Variants in RAD52 observed in about 807,000 individuals in gnomAD.
RAD52 encodes RAD52 DNA repair protein, also known as DNA repair protein RAD52 homolog.
RAD52 carries 47 observed loss-of-function variants against 55.5 expected under a neutral mutation model. The observed-to-expected ratio is 0.85, with a 90% confidence interval of 0.67 to 1.08. The LOEUF (loss-of-function observed/expected upper bound fraction) is 1.08. Among genes scored for constraint, RAD52 ranks in the 50% least tolerant of loss-of-function variants. The probability of loss-of-function intolerance (pLI) is 0.00; values close to 1 mark genes in which losing one functional copy is unlikely to be tolerated. For missense variants in RAD52, 468 were observed against 522.8 expected (o/e 0.90, Z 1.02); for synonymous variants, 184 against 198.9 (o/e 0.92, Z 0.63).
chr12:927,325 T>C, intron 5 of RAD52, 62 bp from the exon 6 acceptor site: 1 of 1,221,478 alleles, frequency 8.2e-7, no homozygotes, highest in Admixed American at 1.7e-5. Flanking sequence ...ACAACTCCCC[T>C]GTTCCTCAAG....
chr12:957,055 A>C (rs957684121), intron 1 of RAD52, among the ~76,000 whole-genome samples: 6 of 152,228 alleles, frequency 3.9e-5, no homozygotes, highest in African/African-American at 1.4e-4. Flanking sequence ...AGAAGCATAA[A>C]AATTCCATGC....
intron 1 of RAD52, among the ~76,000 whole-genome samples, chr12:965,947 G>A (rs1958759555): frequency 6.6e-6 from 1 of 151,998 alleles, no homozygotes; most frequent in Non-Finnish European, 1.5e-5. Context: ...GCCTCCCAAA[G>A]TGCTGGGATT....
chr12:965,844 A>ATG (rs1958755697), intron 1 of RAD52, among the ~76,000 whole-genome samples: 1 of 151,346 alleles, frequency 6.6e-6, no homozygotes, highest in Non-Finnish European at 1.5e-5. Flanking sequence ...GCACCACCAC[A>ATG]CCTGGCTAAT....
chr12:927,200 A>C lies in RAD52; in HGVS notation c.412T>G (p.Ser138Ala), dbSNP rs755555147. 4 of 1,614,142 alleles carry C rather than the reference A, an allele frequency of 2.5e-6. No homozygotes were observed. In the South Asian group the frequency reaches 4.4e-5, roughly 18 times the overall value. ...GCCTCCTTCCTTGCCTTCTCCAAAG[A>C]TAAAGCCTTGGACTTGAGGCCCTCA... ...VSEGLKSKAL[S>A]LEKARKEAVT... The change falls in exon 6 of 12, where the codon TCT becomes GCT. Residue 138 changes from serine (S) to alanine (A), a missense_variant. Ser to Ala is a moderately conservative substitution (Grantham distance 99). Coordinates refer to ENST00000358495, the MANE Select transcript of RAD52 (RefSeq NM_134424.4).
intron 1 of RAD52, among the ~76,000 whole-genome samples, chr12:970,348 A>C (rs868279687): frequency 6.7e-6 from 1 of 149,208 alleles, no homozygotes; most frequent in Non-Finnish European, 1.5e-5. Context: ...AAAAGTCATA[A>C]TTTAGTCCTA....
chr12:969,282 A>G (rs1958809362), intron 1 of RAD52, among the ~76,000 whole-genome samples: 1 of 152,036 alleles, frequency 6.6e-6, no homozygotes, highest in Non-Finnish European at 1.5e-5. Flanking sequence ...GCATCCCAGG[A>G]ACACCAGTCA....
chr12:967,983 T>C (rs1249815204), intron 1 of RAD52, among the ~76,000 whole-genome samples: 2 of 152,082 alleles, frequency 1.3e-5, no homozygotes, highest in Non-Finnish European at 2.9e-5. Context: ...GTGTCTGGCC[T>C]ATTTTTGAGC....
At chr12:953,905 G>A (rs1221928622), upstream of RAD52, among the ~76,000 whole-genome samples, 1 of 152,110 alleles carries the variant, frequency 6.6e-6, no homozygotes, top group African/African-American at 2.4e-5. Context: ...CAGTGGAACC[G>A]TTGGGTGACA....
chr12:967,092 A>T (rs1958780638), intron 1 of RAD52, among the ~76,000 whole-genome samples: 1 of 152,054 alleles, frequency 6.6e-6, no homozygotes, highest in Admixed American at 6.6e-5. Flanking sequence ...ACATAAAGAA[A>T]TGTGGTCTGG....
At chr12:916,176 A>G in intron 9 of RAD52, 168 bp downstream of exon 9, 1 of 1,382,484 alleles carries the variant, frequency 7.2e-7, no homozygotes, top group Non-Finnish European at 9.4e-7. Context: ...CAGCAGATTT[A>G]AATATCTGAA....
chr12:914,829 G>A (rs1285413131), intron 9 of RAD52, among the ~76,000 whole-genome samples: 1 of 3,092 alleles, frequency 3.2e-4, no homozygotes, highest in Non-Finnish European at 9.6e-3. Context: ...TGGCTCGCTT[G>A]TTAACAGCCA....
chr12:924,448 C>T (rs1169462330), intron 7 of RAD52, among the ~76,000 whole-genome samples: 1 of 152,138 alleles, frequency 6.6e-6, no homozygotes, highest in Non-Finnish European at 1.5e-5. Context: ...AAACTGAATC[C>T]AATAATGTTT....
chr12:927,058 A>C, intron 6 of RAD52, 87 bp downstream of exon 6: 1 of 1,516,106 alleles, frequency 6.6e-7, no homozygotes, highest in Admixed American at 1.7e-5. Context: ...AACCATGTGG[A>C]TGTGTTACCT....
At chr12:955,104 T>G (rs1213709136) in intron 1 of RAD52, among the ~76,000 whole-genome samples, 20 of 152,232 alleles carry the variant, frequency 1.3e-4, no homozygotes, top group Admixed American at 1.3e-3. Context: ...AGGTAAGTAT[T>G]CTTAAGGATT....
chr12:932,221 G>A (rs1023050536), intron 2 of RAD52, among the ~76,000 whole-genome samples: 4 of 152,164 alleles, frequency 2.6e-5, no homozygotes, highest in South Asian at 2.1e-4. Flanking sequence ...AAGCCCGGGC[G>A]TGGTGGCTCA....
intron 1 of RAD52, among the ~76,000 whole-genome samples, chr12:947,482 T>C (rs1958300819): frequency 6.8e-6 from 1 of 148,070 alleles, no homozygotes; most frequent in African/African-American, 2.5e-5. Flanking sequence ...ACCCTGTCTC[T>C]ACTAAAAATA....
chr12:940,627 A>G (rs936777585), intron 1 of RAD52, among the ~76,000 whole-genome samples: 1 of 152,060 alleles, frequency 6.6e-6, no homozygotes, highest in Non-Finnish European at 1.5e-5. Flanking sequence ...AAACAAAACA[A>G]AACAAAACCA....
At position 916,441 on chromosome 12, in the gene RAD52, C is replaced by T. The variant is rs773901683; in HGVS notation, c.768G>A (p.Gln256=). The change falls in exon 9 of 12, where the codon CAG becomes CAA. Residue 256 remains glutamine (Q), a synonymous_variant. Transcript: ENST00000358495. ...GCAGCTGCTTCTGCCGGAGCTTCCGCTGGTGCGTGGCCTCGCTCTCCACGG... is the reference window on the plus strand; with the variant it reads ...GCAGCTGCTTCTGCCGGAGCTTCCGTTGGTGCGTGGCCTCGCTCTCCACGG... ...SSAVESEATH[Q]RKLRQKQLQQ... 6.2e-6 allele frequency: 10 copies of T among 1,607,650 alleles called. No homozygotes were observed. Among genetic ancestry groups the T allele is most frequent in the Non-Finnish European group, 7.6e-6 (9 of 1,179,280 alleles).
chr12:960,167 A>T (rs1485180766), intron 1 of RAD52, among the ~76,000 whole-genome samples: 1 of 152,094 alleles, frequency 6.6e-6, no homozygotes. Flanking sequence ...TAGAAACATC[A>T]CTCTGGTTGT....
Sources: gnomAD v4.1 joint callset for allele counts (sites outside exome capture counted in the v4.1 genomes callset) on GRCh38, gnomAD v4.1.1 for gene constraint, MANE v1.5 for transcripts, NCBI Gene and HGNC (gene_info 2026-07-23, HGNC 2026-07-21) for gene names.